GLCCI1: variants seen among roughly 807,000 people sequenced by gnomAD.
The protein encoded by GLCCI1 is glucocorticoid induced 1.
A neutral mutation model predicts 52.2 loss-of-function variants in GLCCI1; 24 were observed. The observed-to-expected ratio is 0.46, with a 90% CI of 0.33 to 0.65. GLCCI1 has a LOEUF of 0.65. Ranked by LOEUF, GLCCI1 falls within the 30% of genes least tolerant of loss-of-function variation. GLCCI1 has a pLI of 0.02. For missense variants in GLCCI1, 704 were observed against 701.5 expected (o/e 1.00, Z -0.04); for synonymous variants, 310 against 276.5 (o/e 1.12, Z -1.20).
intron 3 of GLCCI1, among the ~76,000 whole-genome samples, chr7:8,041,193 A>G (rs539519063): frequency 4.8e-4 from 73 of 152,348 alleles, no homozygotes; most frequent in African/African-American, 1.7e-3. Context: ...TGAGTGGACT[A>G]GATAAAAGAT....
chr7:7,992,043 TTTTCTTTC>T (rs60028694), intron 1 of GLCCI1, among the ~76,000 whole-genome samples: 14,749 of 128,658 alleles, frequency 0.11, 809 homozygotes, highest in African/African-American at 0.14. Flanking sequence ...AGAATTTATT[TTTTCTTTC>T]TTTCTTTCTT....
rs571821316 is a variant in GLCCI1, at chr7:7,999,237, A to G, written c.458-4671A>G. 5.3e-5 allele frequency among the ~76,000 whole-genome samples: 8 copies of G among 152,298 alleles called. No homozygotes were observed. The South Asian group carries it at 1.5e-3, about 28-fold the overall frequency. ...TTAAGTAAATATAGAGTAAATAAGT[A>G]AAAGTATAGATTAGAATATTATTAT... is the stretch of plus-strand genomic sequence containing the variant. On this transcript the variant is annotated intron_variant, in intron 1 of 7. Transcript: ENST00000223145.
chr7:8,085,892 A>G (rs1327711086), intron 7 of GLCCI1, among the ~76,000 whole-genome samples: 2 of 152,230 alleles, frequency 1.3e-5, no homozygotes, highest in Admixed American at 6.5e-5. Context: ...ATAATCTTCA[A>G]TTATAATGTA....
At chr7:8,027,111 C>A (rs927446734) in intron 3 of GLCCI1, among the ~76,000 whole-genome samples, 10 of 152,208 alleles carry the variant, frequency 6.6e-5, no homozygotes, top group African/African-American at 2.4e-4. Flanking sequence ...TTAGCACCAT[C>A]CAGGAAAACA....
intron 3 of GLCCI1, among the ~76,000 whole-genome samples, chr7:8,037,065 T>C (rs35394048): frequency 0.024 from 3,571 of 150,550 alleles, 69 homozygotes; most frequent in East Asian, 0.09. Context: ...CCAAAAGATA[T>C]ATTGCAAGAT....
intron 3 of GLCCI1, among the ~76,000 whole-genome samples, chr7:8,040,525 A>AACACACACACAC (rs58561376): frequency 0.02 from 2,858 of 145,262 alleles, 43 homozygotes; most frequent in African/African-American, 0.035. Flanking sequence ...AGATATAATT[A>AACACACACACAC]ACACACACAC....
intron 3 of GLCCI1, among the ~76,000 whole-genome samples, chr7:8,054,184 T>G (rs1310551890): frequency 6.6e-6 from 1 of 152,154 alleles, no homozygotes; most frequent in African/African-American, 2.4e-5. Flanking sequence ...GAAATCCTAT[T>G]TCTTTTTTAT....
At position 8,063,629 on chromosome 7, in the gene GLCCI1, T is replaced by TC. The variant is rs1425187740; in HGVS notation, c.966+3381_966+3382insC. Among the ~76,000 whole-genome samples the TC allele has an allele frequency of 7.5e-4, 112 of 148,812 alleles. 3 individuals carry two copies. In the South Asian group the frequency reaches 0.014, roughly 18 times the overall value. On this transcript the variant is annotated intron_variant, in intron 5 of 7. Transcript: ENST00000223145. ...CACTTTTCTTCCTTTTTTTTTTTTTTTTTTTTTGAGACAGGGTCTTGCTCC... is the reference window on the plus strand; with the variant it reads ...CACTTTTCTTCCTTTTTTTTTTTTTTCTTTTTTTGAGACAGGGTCTTGCTCC...
intron 7 of GLCCI1, 56 bp downstream of exon 7, chr7:8,085,073 G>A: frequency 1.9e-6 from 3 of 1,594,942 alleles, no homozygotes; most frequent in African/African-American, 1.3e-5. Flanking sequence ...GCTTTTTACT[G>A]AGACCAGTTG....
chr7:8,021,365 T>A (rs1179141445), intron 2 of GLCCI1, among the ~76,000 whole-genome samples: 1 of 152,214 alleles, frequency 6.6e-6, no homozygotes, highest in East Asian at 1.9e-4. Flanking sequence ...CTGATTTACA[T>A]TACGCAAGTC....
chr7:7,993,618 T>C (rs1250493739), intron 1 of GLCCI1, among the ~76,000 whole-genome samples: 4 of 152,212 alleles, frequency 2.6e-5, no homozygotes, highest in Non-Finnish European at 5.9e-5. Flanking sequence ...ATCAGAAGCC[T>C]GGGTACATTC....
chr7:7,992,940 C>T (rs1315229955), intron 1 of GLCCI1, among the ~76,000 whole-genome samples: 1 of 152,052 alleles, frequency 6.6e-6, no homozygotes, highest in East Asian at 1.9e-4. Flanking sequence ...ATCTTCCTTG[C>T]TGTCAAACAC....
rs1212574304 is a variant in GLCCI1, at chr7:8,086,885, T to G, written c.*347T>G. 1 of 189,310 alleles carries G rather than the reference T, an allele frequency of 5.3e-6. No individual in the cohort carries two copies. Among genetic ancestry groups the G allele is most frequent in the East Asian group, 1.4e-4 (1 of 7,404 alleles). The allele number at this position is 189,310 out of a possible 1,614,324, so 11.7% of individuals were successfully genotyped here. On this transcript the variant is annotated 3_prime_UTR_variant, in exon 8 of 8. Transcript: ENST00000223145. The surrounding 1 kb of genome is among the most constrained non-coding windows in gnomAD (Gnocchi z 4.4). ...GTTGCCTGTCTAAATAGAAAATGTC[T>G]TGCTGTGTTTTGTCCTATGGAAAAT...
chr7:7,988,391 G>C (rs903502032), intron 1 of GLCCI1, among the ~76,000 whole-genome samples: 1 of 152,162 alleles, frequency 6.6e-6, no homozygotes, highest in African/African-American at 2.4e-5. Context: ...CAAATCTTAA[G>C]AACTTTCGAA....
At chr7:7,980,680 A>C (rs527879664) in intron 1 of GLCCI1, 2 of 760,128 alleles carry the variant, frequency 2.6e-6, no homozygotes, top group African/African-American at 3.5e-5. Context: ...CACAATGTCC[A>C]TGGTGAATAA....
chr7:8,003,048 A>G (rs1200954324), intron 1 of GLCCI1, among the ~76,000 whole-genome samples: 2 of 152,228 alleles, frequency 1.3e-5, no homozygotes, highest in African/African-American at 4.8e-5. Flanking sequence ...TAAAATATAA[A>G]GTTATTTATA....
chr7:8,081,354 A>G (rs1369326479), intron 6 of GLCCI1, among the ~76,000 whole-genome samples: 1 of 152,262 alleles, frequency 6.6e-6, no homozygotes, highest in East Asian at 1.9e-4. Context: ...TGCTTGTTTT[A>G]GAATCAATTT....
At position 8,082,649 on chromosome 7, in the gene GLCCI1, G is replaced by T. The variant is rs191870384; in HGVS notation, c.1178-2248G>T. 2.5e-3 allele frequency among the ~76,000 whole-genome samples: 381 copies of T among 152,170 alleles called. 2 individuals are homozygous for T. Among genetic ancestry groups the T allele is most frequent in the African/African-American group, 8.6e-3 (358 of 41,532 alleles). On this transcript the variant is annotated intron_variant, in intron 6 of 7. Coordinates refer to ENST00000223145, the MANE Select transcript of GLCCI1 (RefSeq NM_138426.4). ...ATATAAACCCTGCCTGTCTAGGATA[G>T]CAGTATATTTGTTTACTTAACATTA... is the stretch of plus-strand genomic sequence containing the variant.
chr7:8,033,931 A>G (rs1253408893), intron 3 of GLCCI1, among the ~76,000 whole-genome samples: 1 of 152,186 alleles, frequency 6.6e-6, no homozygotes, highest in Non-Finnish European at 1.5e-5. Context: ...TGGAAATACA[A>G]AGGATCTAGA....
Sources: gnomAD v4.1 joint callset for allele counts (sites outside exome capture counted in the v4.1 genomes callset) on GRCh38, gnomAD v4.1.1 for gene constraint, Gnocchi (gnomAD v3.1) non-coding constraint, MANE v1.5 for transcripts, NCBI Gene and HGNC (gene_info 2026-07-23, HGNC 2026-07-21) for gene names.